Variants in LRIG2 observed in about 807,000 individuals in gnomAD.
LRIG2 encodes the protein leucine-rich repeats and immunoglobulin-like domains protein 2.
In LRIG2, 93 loss-of-function variants were observed where a neutral mutation model predicts 107.8. The observed-to-expected ratio is 0.86, with a 90% CI of 0.73 to 1.03. The LOEUF (loss-of-function observed/expected upper bound fraction) is 1.03, where lower values mean the gene tolerates loss of function less well. Among genes scored for constraint, LRIG2 ranks in the 50% least tolerant of loss-of-function variants. LRIG2 has a pLI of 0.00. For synonymous variants in LRIG2, 471 were observed against 470.6 expected (o/e 1.00, Z -0.01); for missense variants, 1,226 against 1,296.0 (o/e 0.95, Z 0.83).
chr1:113,113,585 C>T (rs1050184438), intron 14 of LRIG2, among the ~76,000 whole-genome samples: 2 of 147,574 alleles, frequency 1.4e-5, no homozygotes, highest in African/African-American at 2.6e-5. Flanking sequence ...TATTTTGAGA[C>T]GGAGTCTCAT....
At chr1:113,086,108 G>A (rs192628897) in intron 1 of LRIG2, among the ~76,000 whole-genome samples, 121 of 145,738 alleles carry the variant, frequency 8.3e-4, no homozygotes, top group Middle Eastern at 3.7e-3. Context: ...CTGTTCAAGC[G>A]ATTCTCCTAT....
intron 11 of LRIG2, chr1:113,103,350 A>G (rs1654385369): frequency 6.6e-6 from 1 of 152,176 alleles, no homozygotes; most frequent in South Asian, 2.1e-4. Context: ...GGGTTTAGCC[A>G]GAGTCTTCCT....
intron 1 of LRIG2, among the ~76,000 whole-genome samples, chr1:113,084,462 G>A (rs957311429): frequency 3.3e-5 from 5 of 151,888 alleles, no homozygotes; most frequent in African/African-American, 7.3e-5. Flanking sequence ...TGATCCGCCC[G>A]CCTCGGCCTC....
chr1:113,094,515 T>C (rs773167368), intron 5 of LRIG2, 33 bp downstream of exon 5: 4 of 1,580,672 alleles, frequency 2.5e-6, no homozygotes, highest in Non-Finnish European at 3.4e-6. Flanking sequence ...TATAAGAAGA[T>C]AGTTTTTTCT....
chr1:113,091,043 G>A (rs948766876), intron 1 of LRIG2, among the ~76,000 whole-genome samples: 1 of 151,484 alleles, frequency 6.6e-6, no homozygotes, highest in Non-Finnish European at 1.5e-5. Context: ...GTAGAGATGG[G>A]GTTTCACCAG....
In LRIG2 at chr1:113,130,810, C is replaced by T. The variant is rs762557909; in HGVS notation, c.*6709C>T. The T allele has an allele frequency of 6.6e-6, 1 of 152,312 alleles. No individual in the cohort carries two copies. Among genetic ancestry groups the T allele is most frequent in the South Asian group, 2.1e-4 (1 of 4,828 alleles). The allele number at this position is 152,312 out of a possible 1,614,324, so 9.4% of individuals were successfully genotyped here. On this transcript the variant is annotated 3_prime_UTR_variant, in exon 18 of 18. Transcript: ENST00000361127. Reference sequence around the variant, plus strand: ...TCTGACCTGTGTTCGTAGCTGGGAACATGAAACACAAAATTCTGGGTTTAA... The same window carrying T: ...TCTGACCTGTGTTCGTAGCTGGGAATATGAAACACAAAATTCTGGGTTTAA...
At chr1:113,082,077 C>T (rs1405999) in intron 1 of LRIG2, among the ~76,000 whole-genome samples, 3 of 152,200 alleles carry the variant, frequency 2.0e-5, no homozygotes, top group Non-Finnish European at 2.9e-5. Flanking sequence ...ATATACTTTG[C>T]CCCTGGCTTG....
rs1374431305 is a variant in LRIG2, at chr1:113,124,122, C to T, written c.*21C>T. The T allele has an allele frequency of 6.9e-6, 11 of 1,600,476 alleles. No homozygotes were observed. The Admixed American group carries it at 1.8e-4, about 27-fold the overall frequency. The stretch of plus-strand genomic sequence containing the variant: ...CATGAAACTCACTTCAGGATGAAAT[C>T]TGGGCAGAGACTTATTAATTAATTT... On this transcript the variant is annotated 3_prime_UTR_variant, in exon 18 of 18. Transcript: ENST00000361127.
rs2101005701 is a variant in LRIG2 at position 113,073,286 on chromosome 1, C to T, written c.-121C>T. Reference sequence around the variant, plus strand: ...GCTCCTTGCATGCCTTTAGATGGTACAGCCTTCAGCCGGGGCTTCGGGAGA... The same window carrying T: ...GCTCCTTGCATGCCTTTAGATGGTATAGCCTTCAGCCGGGGCTTCGGGAGA... On this transcript the variant is annotated 5_prime_UTR_variant, in exon 1 of 18. It introduces an in-frame stop codon into an upstream open reading frame of the 5' UTR. Transcript: ENST00000361127. 2 of 826,512 alleles carry T rather than the reference C, an allele frequency of 2.4e-6. No individual in the cohort carries two copies. Among genetic ancestry groups the T allele is most frequent in the South Asian group, 3.1e-5 (2 of 64,730 alleles). The allele number at this position is 826,512 out of a possible 1,614,324, so 51.2% of individuals were successfully genotyped here. A position where few individuals can be genotyped will look rare whatever the true frequency, so the allele number is the denominator to read the frequency against.
At position 113,096,189 on chromosome 1, in the gene LRIG2, G is replaced by T. The variant is rs756112567; in HGVS notation, c.948-33G>T. 6.9e-6 allele frequency: 11 copies of T among 1,604,918 alleles called. No homozygotes were observed. In the African/African-American group the frequency reaches 9.4e-5, roughly 14 times the overall value. ...AATTGTAAGTTGAACCAAATACAAT[G>T]AATTCCTTACCTTCCACATTTCTTG... is the stretch of plus-strand genomic sequence containing the variant. On this transcript the variant is annotated intron_variant, in intron 7 of 17. Coordinates refer to ENST00000361127, the MANE Select transcript of LRIG2 (RefSeq NM_014813.3).
At chr1:113,104,875 C>T (rs1050917385) in intron 11 of LRIG2, among the ~76,000 whole-genome samples, 2 of 152,100 alleles carry the variant, frequency 1.3e-5, no homozygotes, top group South Asian at 2.1e-4. Context: ...CAACCGGGCA[C>T]GATGGCTCAT....
At chr1:113,104,111 T>G (rs1654429921) in intron 11 of LRIG2, among the ~76,000 whole-genome samples, 1 of 152,216 alleles carries the variant, frequency 6.6e-6, no homozygotes, top group Admixed American at 6.5e-5. Context: ...CTGTTTGGAA[T>G]ACTTAAGATC....
intron 8 of LRIG2, among the ~76,000 whole-genome samples, chr1:113,097,478 T>C (rs1272683005): frequency 6.6e-6 from 1 of 152,214 alleles, no homozygotes; most frequent in Admixed American, 6.5e-5. Flanking sequence ...TTTTAAAAAA[T>C]TCCTTTAGAT....
intron 12 of LRIG2, among the ~76,000 whole-genome samples, chr1:113,108,841 A>G (rs1050971990): frequency 6.6e-6 from 1 of 152,116 alleles, no homozygotes; most frequent in African/African-American, 2.4e-5. Context: ...GTGCCACTGC[A>G]TTCCAGTCTG....
Position 113,114,851 on chromosome 1 carries a change from T to C in LRIG2, c.2505T>C (p.Asn835=). Residue 835 remains asparagine, a synonymous_variant, in exon 15 of 18, where the codon AAT becomes AAC. Transcript: ENST00000361127. ...TTATTTACCACATGAGAAGGAAAAA[T>C]GAAGACTATAGTATCACAAACACAG... The part of the protein sequence containing the change: ...VIVIYHMRRK[N]EDYSITNTEE... The C allele has an allele frequency of 1.2e-6, 2 of 1,611,786 alleles. No individual in the cohort carries two copies. The highest frequency in any genetic ancestry group is 1.7e-6 in the Non-Finnish European group (2 of 1,179,744).
chr1:113,110,219 C>T (rs184361911), intron 12 of LRIG2, 23 bp from the exon 13 acceptor site: 147 of 1,503,938 alleles, frequency 9.8e-5, no homozygotes, highest in South Asian at 4.1e-4. Context: ...GACTTGGCTA[C>T]GGATGCATTT....
Position 113,130,939 on chromosome 1 carries a change from T to TTTA in LRIG2, c.*6841_*6843dup, listed in dbSNP as rs1655684744. On this transcript the variant is annotated 3_prime_UTR_variant, in exon 18 of 18. Coordinates refer to ENST00000361127, the MANE Select transcript of LRIG2 (RefSeq NM_014813.3). Reference sequence around the variant, plus strand: ...TAAAACTCTTTTTTACTCGATTACTTTTATTTTTTTAAGACACAGTCTCGC... The same window carrying TTTA: ...TAAAACTCTTTTTTACTCGATTACTTTTATTATTTTTTTAAGACACAGTCTCGC... 8.3e-6 allele frequency: 1 copy of TTTA among 120,190 alleles called. No homozygotes were observed. Among genetic ancestry groups the TTTA allele is most frequent in the African/African-American group, 3.2e-5 (1 of 31,092 alleles). The allele number at this position is 120,190 out of a possible 1,614,324, so 7.4% of individuals were successfully genotyped here.
intron 1 of LRIG2, among the ~76,000 whole-genome samples, chr1:113,085,305 CAG>C (rs1165311788): frequency 1.3e-5 from 2 of 152,058 alleles, no homozygotes; most frequent in East Asian, 1.9e-4. Context: ...TTTTTTGAGA[CAG>C]AGTTTCATTC....
In LRIG2 at chr1:113,124,278, C is replaced by A. The variant is rs1455076944; in HGVS notation, c.*177C>A. 2 of 610,860 alleles carry A rather than the reference C, an allele frequency of 3.3e-6. No homozygotes were observed. The highest frequency in any genetic ancestry group is 3.7e-5 in the African/African-American group (2 of 54,048). The allele number at this position is 610,860 out of a possible 1,614,324, so 37.8% of individuals were successfully genotyped here. On this transcript the variant is annotated 3_prime_UTR_variant, in exon 18 of 18. Coordinates refer to ENST00000361127, the MANE Select transcript of LRIG2 (RefSeq NM_014813.3). ...GGTCTTATACCTGATGAAGAAATGG[C>A]AACAGCTGACAGAAATGGGTACAGC... is the stretch of plus-strand genomic sequence containing the variant.
Sources: gnomAD v4.1 joint callset for allele counts (sites outside exome capture counted in the v4.1 genomes callset) on GRCh38, gnomAD v4.1.1 for gene constraint, MANE v1.5 for transcripts, NCBI Gene and HGNC (gene_info 2026-07-23, HGNC 2026-07-21) for gene names.